The following TRPS1 variants were observed in gnomAD, a reference collection of about 807,000 sequenced individuals.
The protein encoded by TRPS1 is transcriptional repressor GATA binding 1, also known as zinc finger transcription factor Trps1.
A neutral mutation model predicts 101.2 loss-of-function variants in TRPS1; 6 were observed. The ratio of observed to expected loss-of-function variants is 0.06; its 90% confidence interval spans 0.03 to 0.12. TRPS1 has a LOEUF of 0.12. TRPS1 is among the 10% of genes least tolerant of loss of function. The pLI is 1.00. For missense variants in TRPS1, 1,363 were observed against 1,567.0 expected (o/e 0.87, Z 2.20); for synonymous variants, 578 against 589.8 (o/e 0.98, Z 0.29).
intron 5 of TRPS1, among the ~76,000 whole-genome samples, chr8:115,527,671 T>G (rs183547312): frequency 6.6e-5 from 10 of 152,152 alleles, no homozygotes; most frequent in African/African-American, 2.4e-4. Context: ...ATACCCTCAC[T>G]TGAAAATGGT....
At chr8:115,531,902 A>C (rs1464507254) in intron 5 of TRPS1, among the ~76,000 whole-genome samples, 1 of 152,100 alleles carries the variant, frequency 6.6e-6, no homozygotes, top group African/African-American at 2.4e-5. Flanking sequence ...GAAATGGAGA[A>C]GGTACAAGAA....
At chr8:115,651,583 G>T (rs534760146) in intron 1 of TRPS1, among the ~76,000 whole-genome samples, 1 of 152,126 alleles carries the variant, frequency 6.6e-6, no homozygotes, top group African/African-American at 2.4e-5. Flanking sequence ...AATGAATTAC[G>T]TATGCTCTCA....
intron 5 of TRPS1, among the ~76,000 whole-genome samples, chr8:115,492,822 T>G (rs1815061558): frequency 6.6e-6 from 1 of 152,064 alleles, no homozygotes; most frequent in Non-Finnish European, 1.5e-5. Flanking sequence ...CAAGCAATTT[T>G]CATGCCTCAG....
Position 115,410,405 on chromosome 8 carries a change from C to T in TRPS1, c.*3618G>A, listed in dbSNP as rs887637878. 2 of 152,206 alleles carry T rather than the reference C, an allele frequency of 1.3e-5. No individual in the cohort carries two copies. The highest frequency in any genetic ancestry group is 2.9e-5 in the Non-Finnish European group (2 of 67,912). The allele number at this position is 152,206 out of a possible 1,614,324, so 9.4% of individuals were successfully genotyped here. Reference sequence around the variant, plus strand: ...ATTAATATTACCTTAGAAAAGAATCCCCATGCTTGTTTTATAAAAATCTAC... The same window carrying T: ...ATTAATATTACCTTAGAAAAGAATCTCCATGCTTGTTTTATAAAAATCTAC... On this transcript the variant is annotated 3_prime_UTR_variant, in exon 7 of 7. Coordinates refer to ENST00000395715, the MANE Select transcript of TRPS1 (RefSeq NM_014112.5).
intron 5 of TRPS1, among the ~76,000 whole-genome samples, chr8:115,429,846 C>T (rs571200701): frequency 1.4e-4 from 21 of 152,016 alleles, no homozygotes; most frequent in East Asian, 3.9e-4. Flanking sequence ...CGGCAAAAGA[C>T]GTAAATAAAT....
intron 5 of TRPS1, among the ~76,000 whole-genome samples, chr8:115,571,069 A>G (rs1006552747): frequency 6.6e-6 from 1 of 152,170 alleles, no homozygotes; most frequent in African/African-American, 2.4e-5. Context: ...TTCACCCACT[A>G]TATAGTTAGG....
At chr8:115,542,895 C>T (rs548231052) in intron 5 of TRPS1, among the ~76,000 whole-genome samples, 19 of 152,132 alleles carry the variant, frequency 1.2e-4, no homozygotes, top group Non-Finnish European at 2.4e-4. Flanking sequence ...AATCATAGTT[C>T]CATGAGGGAA....
chr8:115,452,207 G>T (rs926302955), intron 5 of TRPS1, among the ~76,000 whole-genome samples: 25 of 152,040 alleles, frequency 1.6e-4, no homozygotes, highest in African/African-American at 6.0e-4. Context: ...TTGGCGGCTG[G>T]CCAGACTTAG....
At chr8:115,625,994 G>A (rs1235704609) in intron 1 of TRPS1, among the ~76,000 whole-genome samples, 2 of 151,630 alleles carry the variant, frequency 1.3e-5, no homozygotes, top group African/African-American at 4.8e-5. Context: ...GATGGTCTTC[G>A]CCTTAAAAAG....
At chr8:115,518,474 CATG>C (rs1333123445) in intron 5 of TRPS1, among the ~76,000 whole-genome samples, 3 of 151,710 alleles carry the variant, frequency 2.0e-5, no homozygotes, top group Non-Finnish European at 4.4e-5. Flanking sequence ...CCTGGGTTTT[CATG>C]ATAACTATGT....
chr8:115,519,461 T>C (rs188996173), intron 5 of TRPS1, among the ~76,000 whole-genome samples: 1 of 151,786 alleles, frequency 6.6e-6, no homozygotes, highest in Non-Finnish European at 1.5e-5. Context: ...AAAAAGATTC[T>C]CTTTCAAAAT....
In TRPS1 at chr8:115,619,769, A is replaced by T; in HGVS notation, c.329T>A (p.Phe110Tyr). Reference protein sequence around the residue: ...NYESPSKGGNFPSFPHDEVTD... With the variant: ...NYESPSKGGNYPSFPHDEVTD... ...CACCTCATCATGCGGAAAGGAGGGA[A>T]AGTTTCCTCCCTTACTGGGGCTTTC... The change falls in exon 3 of 7, where the codon TTT (phenylalanine) becomes TAT (tyrosine). Residue 110 changes from phenylalanine to tyrosine, a missense_variant. By Grantham distance (22) the Phe-to-Tyr change is conservative. Around this residue, in one of 5 missense-constraint regions of TRPS1, gnomAD observed 1,020 missense variants for 1,073.0 expected, o/e 0.95. Transcript: ENST00000395715. 2 of 1,614,160 alleles carry T rather than the reference A, an allele frequency of 1.2e-6. No homozygotes were observed. Among genetic ancestry groups the T allele is most frequent in the South Asian group, 1.1e-5 (1 of 91,078 alleles).
chr8:115,465,511 T>C (rs1814294398), intron 5 of TRPS1, among the ~76,000 whole-genome samples: 1 of 152,074 alleles, frequency 6.6e-6, no homozygotes, highest in African/African-American at 2.4e-5. Flanking sequence ...ATATAAAAAA[T>C]AAGTAAGTCT....
chr8:115,423,408 A>G (rs1813115787), intron 5 of TRPS1, among the ~76,000 whole-genome samples: 1 of 152,194 alleles, frequency 6.6e-6, no homozygotes, highest in Admixed American at 6.5e-5. Flanking sequence ...TCTTTTGAGC[A>G]CTTGATCCCT....
intron 1 of TRPS1, among the ~76,000 whole-genome samples, chr8:115,647,357 G>A (rs888641419): frequency 3.9e-5 from 6 of 152,160 alleles, no homozygotes; most frequent in Non-Finnish European, 7.4e-5. Context: ...GCTTGATGAT[G>A]TAAAGAAGGC....
rs1406307214 is a variant in TRPS1, at chr8:115,605,136, A to T, written c.967-134T>A. 1.1e-5 allele frequency: 9 copies of T among 803,234 alleles called. No individual in the cohort carries two copies. In the East Asian group the frequency reaches 2.3e-4, roughly 21 times the overall value. The allele number at this position is 803,234 out of a possible 1,614,324, so 49.8% of individuals were successfully genotyped here. ...TAGTACTCCTGCTTATTATGAAATC[A>T]CTTGAATAATCAGAGCCAAATAAAT... On this transcript the variant is annotated intron_variant, in intron 3 of 6. Transcript: ENST00000395715.
intron 5 of TRPS1, among the ~76,000 whole-genome samples, chr8:115,463,970 T>C (rs145659365): frequency 2.8e-3 from 433 of 152,184 alleles, no homozygotes; most frequent in Non-Finnish European, 4.9e-3. Context: ...TATAGCTTAA[T>C]GTGAAATATC....
chr8:115,660,250 T>C (rs568816011), intron 1 of TRPS1, among the ~76,000 whole-genome samples: 2 of 151,282 alleles, frequency 1.3e-5, no homozygotes, highest in East Asian at 1.9e-4. Flanking sequence ...AGGAAGCACA[T>C]GTTATATTAT....
intron 5 of TRPS1, among the ~76,000 whole-genome samples, chr8:115,479,172 T>C (rs1814690227): frequency 6.6e-6 from 1 of 152,116 alleles, no homozygotes; most frequent in South Asian, 2.1e-4. Flanking sequence ...AGTCAATAAA[T>C]TTGTTATTAA....
Sources: gnomAD v4.1 joint callset for allele counts (sites outside exome capture counted in the v4.1 genomes callset) on GRCh38, gnomAD v4.1.1 for gene constraint, gnomAD v4.1.1 regional missense constraint, MANE v1.5 for transcripts, NCBI Gene and HGNC (gene_info 2026-07-23, HGNC 2026-07-21) for gene names.